Variants in ADRM1 observed in about 807,000 individuals in gnomAD.
ADRM1 encodes the protein ADRM1 26S proteasome ubiquitin receptor.
In ADRM1, 2 loss-of-function variants were observed where a neutral mutation model predicts 40.1. The observed-to-expected ratio is 0.05, with a 90% CI of 0.02 to 0.16. The LOEUF (loss-of-function observed/expected upper bound fraction) is 0.16. Ranked by LOEUF, ADRM1 falls within the 10% of genes least tolerant of loss-of-function variation. The pLI is 1.00. For synonymous variants in ADRM1, 287 were observed against 240.4 expected, an observed-to-expected ratio of 1.19 and a Z score of -1.79; for missense variants, 467 against 552.5, an observed-to-expected ratio of 0.85 and a Z score of 1.55.
In ADRM1 at chr20:62,307,907, T is replaced by C; in HGVS notation, c.856+79T>C. ...TCGCACGCTCACCTTCCAAGGCATCTGCCTAGTGTGCGCGCCTGGGGTGCT... is the reference window on the plus strand; with the variant it reads ...TCGCACGCTCACCTTCCAAGGCATCCGCCTAGTGTGCGCGCCTGGGGTGCT... On this transcript the variant is annotated intron_variant, in intron 7 of 9. Transcript: ENST00000253003. 10 of 1,546,212 alleles carry C rather than the reference T, an allele frequency of 6.5e-6. No homozygotes were observed. The South Asian group carries it at 1.2e-4, about 18-fold the overall frequency.
chr20:62,308,825 CACTGATTATTAAT>C lies in ADRM1; in HGVS notation c.*66_*78del, dbSNP rs1173465865. On this transcript the variant is annotated 3_prime_UTR_variant, in exon 10 of 10. Transcript: ENST00000253003. Reference sequence around the variant, plus strand: ...GCGTTGCACACCCTCACCTCCCACCCACTGATTATTAATAAAGTCTTTTCTTTTACCTGCCAAT... The same window carrying C: ...GCGTTGCACACCCTCACCTCCCACCCAAAGTCTTTTCTTTTACCTGCCAAT... The C allele has an allele frequency of 1.3e-6, 2 of 1,573,548 alleles. No individual in the cohort carries two copies. Among genetic ancestry groups the C allele is most frequent in the African/African-American group, 1.4e-5 (1 of 73,168 alleles).
At chr20:62,303,886 C>G in intron 2 of ADRM1, 105 bp downstream of exon 2, 1 of 1,148,594 alleles carries the variant, frequency 8.7e-7, no homozygotes. Context: ...GGGGACCGCT[C>G]GTGGGGCCGT....
At position 62,308,734 on chromosome 20, in the gene ADRM1, C is replaced by T. The variant is rs773876176; in HGVS notation, c.1197C>T (p.Asp399=). 2.0e-5 allele frequency: 33 copies of T among 1,612,898 alleles called. 1 individual carries two copies. Among genetic ancestry groups the T allele is most frequent in the South Asian group, 1.3e-4 (12 of 91,086 alleles). Residue 399 remains aspartate (D), a synonymous_variant, in exon 10 of 10, where the codon GAC becomes GAT. Coordinates refer to ENST00000253003, the MANE Select transcript of ADRM1 (RefSeq NM_007002.4). ...AGGGCGACACGAAGGACAAGAAGGA[C>T]GAAGAGGAGGACATGAGCCTGGACT... The part of the protein sequence containing the change: ...QKEGDTKDKK[D]EEEDMSLD
At chr20:62,304,151 T>G in intron 2 of ADRM1, 1 of 477,594 alleles carries the variant, frequency 2.1e-6, no homozygotes, top group Non-Finnish European at 3.8e-6. Context: ...AGTTGTTCTT[T>G]GTTACATTTG....
At chr20:62,303,315 C>T (rs1234641624) in intron 1 of ADRM1, 4 of 339,658 alleles carry the variant, frequency 1.2e-5, no homozygotes, top group Non-Finnish European at 2.1e-5. Context: ...GAGGCTGGTG[C>T]CCCGCGGAGA....
At chr20:62,307,492 T>G (rs1985220392) in intron 6 of ADRM1, 40 bp downstream of exon 6, 3 of 1,603,406 alleles carry the variant, frequency 1.9e-6, no homozygotes, top group Middle Eastern at 1.7e-4. Context: ...GCCACGGTGT[T>G]AAGGGAGGGG....
rs373828612 is a variant in ADRM1 at position 62,308,090 on chromosome 20, G to A, written c.926G>A (p.Arg309His). 4.3e-6 allele frequency: 7 copies of A among 1,611,284 alleles called. No homozygotes were observed. Among genetic ancestry groups the A allele is most frequent in the Admixed American group, 3.3e-5 (2 of 59,948 alleles). ...PILANADVQE[R>H]LLPYLPSGES... ...CTCGCCAACGCGGATGTCCAGGAGC[G>A]CCTGCTTCCCTACTTGCCATCTGGG... The change falls in exon 8 of 10, where the codon CGC (arginine) becomes CAC (histidine). Residue 309 changes from arginine to histidine, a missense_variant. By Grantham distance (29) the Arg-to-His change is conservative. Coordinates refer to ENST00000253003, the MANE Select transcript of ADRM1 (RefSeq NM_007002.4).
chr20:62,304,136 C>T (rs1018533945), intron 2 of ADRM1: 3 of 477,030 alleles, frequency 6.3e-6, no homozygotes, highest in Non-Finnish European at 7.6e-6. Flanking sequence ...GTTTTTCAAA[C>T]TCTTAGTTGT....
chr20:62,307,858 G>A, intron 7 of ADRM1, 30 bp downstream of exon 7: 26 of 1,575,188 alleles, frequency 1.7e-5, no homozygotes, highest in Non-Finnish European at 2.2e-5. Flanking sequence ...GGAGCTGGGT[G>A]GGGGGCATGG....
At chr20:62,305,999 C>A in intron 3 of ADRM1, 198 bp from the exon 4 acceptor site, 1 of 633,766 alleles carries the variant, frequency 1.6e-6, no homozygotes, top group Non-Finnish European at 2.7e-6. Context: ...GGACAGGGCG[C>A]AGAGCATCGT....
In ADRM1 at chr20:62,308,460, C is replaced by T. The variant is rs1255534275; in HGVS notation, c.1107C>T (p.Ala369=). The T allele has an allele frequency of 6.2e-7, 1 of 1,605,370 alleles. No individual in the cohort carries two copies. Among genetic ancestry groups the T allele is most frequent in the East Asian group, 2.2e-5 (1 of 44,636 alleles). Residue 369 remains alanine (A), a synonymous_variant, in exon 9 of 10, where the codon GCC becomes GCT. Coordinates refer to ENST00000253003, the MANE Select transcript of ADRM1 (RefSeq NM_007002.4). The stretch of plus-strand genomic sequence containing the variant: ...TGCCTGCAGAGGCTGTGGAGGCCGC[C>T]AACAAGGGCGGTAAGTGGCTGCGCC... ...FGLPAEAVEA[A]NKGDVEAFAK...
intron 1 of ADRM1, chr20:62,303,252 G>A (rs937914359): frequency 4.7e-6 from 1 of 210,908 alleles, no homozygotes; most frequent in African/African-American, 2.3e-5. Context: ...GTGGGGCTCG[G>A]CGGGAGCTCG....
intron 7 of ADRM1, 83 bp downstream of exon 7, chr20:62,307,911 T>C: frequency 1.3e-6 from 2 of 1,546,482 alleles, no homozygotes; most frequent in South Asian, 1.2e-5. Flanking sequence ...GGCATCTGCC[T>C]AGTGTGCGCG....
Position 62,306,366 on chromosome 20 carries a change from CAG to C in ADRM1, c.454+49_454+50del, listed in dbSNP as rs146919403. The C allele has an allele frequency of 1.3e-3, 2,105 of 1,611,874 alleles. 13 individuals are homozygous for C. In the African/African-American group the frequency reaches 0.024, roughly 19 times the overall value. ...GTGAGCTCAGGGTTTCCTGGGAGGCCAGAGTCTACTGTGGATGACTCGCCCCC... is the reference window on the plus strand; with the variant it reads ...GTGAGCTCAGGGTTTCCTGGGAGGCCAGTCTACTGTGGATGACTCGCCCCC... On this transcript the variant is annotated intron_variant, in intron 4 of 9. Transcript: ENST00000253003.
chr20:62,308,254 C>T, intron 8 of ADRM1, 76 bp downstream of exon 8: 1 of 1,541,724 alleles, frequency 6.5e-7, no homozygotes, highest in Non-Finnish European at 8.7e-7. Context: ...CCCTGCCCCA[C>T]CTTCACCATG....
At chr20:62,306,592 T>G (rs1384446841) in intron 4 of ADRM1, 56 bp from the exon 5 acceptor site, 2 of 1,519,828 alleles carry the variant, frequency 1.3e-6, no homozygotes, top group Non-Finnish European at 1.8e-6. Flanking sequence ...GGCAGTGCGG[T>G]GGGGCCCGCG....
intron 7 of ADRM1, 59 bp downstream of exon 7, chr20:62,307,887 C>T (rs1381671754): frequency 1.2e-5 from 19 of 1,555,830 alleles, no homozygotes; most frequent in East Asian, 4.7e-5. Flanking sequence ...GACCCTCGCA[C>T]GCTCACCTTC....
chr20:62,303,905 G>A, intron 2 of ADRM1, 124 bp downstream of exon 2: 1 of 927,820 alleles, frequency 1.1e-6, no homozygotes, highest in Admixed American at 2.4e-5. Flanking sequence ...GTCATCGACT[G>A]CCCTGCTGAT....
rs753000573 is a variant in ADRM1, at chr20:62,308,607, G to C, written c.1118-48G>C. On this transcript the variant is annotated intron_variant, in intron 9 of 9. Coordinates refer to ENST00000253003, the MANE Select transcript of ADRM1 (RefSeq NM_007002.4). ...CTTGATCCCATCGCTTTGATCCCCA[G>C]TTCTGGGCAAGGGTTAGACACCACC... is the stretch of plus-strand genomic sequence containing the variant. 9 of 1,606,788 alleles carry C rather than the reference G, an allele frequency of 5.6e-6. No homozygotes were observed. In the East Asian group the frequency reaches 1.6e-4, roughly 28 times the overall value.
Sources: allele counts gnomAD v4.1 joint callset, GRCh38; gene constraint gnomAD v4.1.1; transcripts MANE v1.5; gene names NCBI Gene and HGNC (gene_info 2026-07-23, HGNC 2026-07-21).